Variants in WWOX observed in about 807,000 individuals in gnomAD.
WWOX encodes the protein WW domain-containing oxidoreductase.
A neutral mutation model predicts 46.2 loss-of-function variants in WWOX; 69 were observed. The ratio of observed to expected loss-of-function variants is 1.49; its 90% CI spans 1.23 to 1.82. WWOX has a LOEUF of 1.82. WWOX is among the 40% of genes most tolerant of loss of function. The pLI, the probability that WWOX is intolerant of heterozygous loss-of-function variation, is 0.00. For missense variants in WWOX, 919 were observed against 542.6 expected, an observed-to-expected ratio of 1.69 and a Z score of -6.89; for synonymous variants, 359 against 202.6, an observed-to-expected ratio of 1.77 and a Z score of -6.56.
chr16:78,275,600 T>C (rs575605882), intron 5 of WWOX, among the ~76,000 whole-genome samples: 1 of 152,186 alleles, frequency 6.6e-6, no homozygotes, highest in East Asian at 1.9e-4. Flanking sequence ...AAGTAGTGAG[T>C]TGAAAACAGA....
At chr16:78,413,792 G>C (rs543407857) in intron 6 of WWOX, among the ~76,000 whole-genome samples, 30 of 152,094 alleles carry the variant, frequency 2.0e-4, no homozygotes, top group African/African-American at 6.7e-4. Flanking sequence ...CAAAGGACTG[G>C]TTGGCAGGTC....
intron 8 of WWOX, among the ~76,000 whole-genome samples, chr16:78,671,018 C>A (rs1453808975): frequency 1.3e-5 from 2 of 151,982 alleles, no homozygotes; most frequent in African/African-American, 4.8e-5. Context: ...TGTGGCTACA[C>A]CAGAAGCTGG....
At chr16:78,399,804 A>C (rs1279876780) in intron 6 of WWOX, among the ~76,000 whole-genome samples, 2 of 152,216 alleles carry the variant, frequency 1.3e-5, no homozygotes, top group East Asian at 3.9e-4. Flanking sequence ...CATAATTGAC[A>C]TGTTGAGAAG....
intron 8 of WWOX, among the ~76,000 whole-genome samples, chr16:78,843,060 T>A (rs1597707290): frequency 1.3e-5 from 2 of 150,052 alleles, no homozygotes; most frequent in Non-Finnish European, 3.0e-5. Flanking sequence ...CACTAATGTT[T>A]GGGTCTTTGC....
At chr16:78,177,044 C>T (rs1308565250) in intron 5 of WWOX, among the ~76,000 whole-genome samples, 1 of 152,160 alleles carries the variant, frequency 6.6e-6, no homozygotes, top group East Asian at 1.9e-4. Flanking sequence ...GTAAGAATCT[C>T]TGGAGGTAGG....
intron 8 of WWOX, among the ~76,000 whole-genome samples, chr16:78,872,522 A>C (rs1490229108): frequency 1.3e-5 from 2 of 152,236 alleles, no homozygotes; most frequent in Non-Finnish European, 2.9e-5. Flanking sequence ...TGTGGCCTTG[A>C]ACAAGTGCAT....
At chr16:78,913,391 C>T (rs906297516) in intron 8 of WWOX, among the ~76,000 whole-genome samples, 1 of 151,892 alleles carries the variant, frequency 6.6e-6, no homozygotes, top group African/African-American at 2.4e-5. Context: ...GAAGACGAGA[C>T]GTTGGCCCCT....
At chr16:78,629,014 G>A (rs539909636) in intron 8 of WWOX, among the ~76,000 whole-genome samples, 4 of 152,230 alleles carry the variant, frequency 2.6e-5, no homozygotes, top group South Asian at 2.1e-4. Flanking sequence ...CCTTGAACCC[G>A]TTCCAAAAAC....
At chr16:78,862,489 C>T (rs889313413) in intron 8 of WWOX, among the ~76,000 whole-genome samples, 1 of 151,830 alleles carries the variant, frequency 6.6e-6, no homozygotes, top group African/African-American at 2.4e-5. Context: ...TGCATACACA[C>T]ACACATTTTT....
intron 8 of WWOX, among the ~76,000 whole-genome samples, chr16:78,941,558 G>A (rs2045852491): frequency 6.6e-6 from 1 of 151,388 alleles, no homozygotes; most frequent in Non-Finnish European, 1.5e-5. Context: ...ATAGAGTTAT[G>A]AAATGGACCA....
chr16:78,876,573 A>G (rs2044238628), intron 8 of WWOX, among the ~76,000 whole-genome samples: 1 of 151,674 alleles, frequency 6.6e-6, no homozygotes, highest in Non-Finnish European at 1.5e-5. Context: ...CAGTGTCTTT[A>G]ATTTGTTAAT....
At chr16:78,193,325 T>C (rs2035939883) in intron 5 of WWOX, among the ~76,000 whole-genome samples, 2 of 152,202 alleles carry the variant, frequency 1.3e-5, no homozygotes, top group Admixed American at 6.5e-5. Context: ...TTCAGTAAAA[T>C]AGCACTTCAC....
At chr16:78,959,070 T>C (rs1055399194) in intron 8 of WWOX, among the ~76,000 whole-genome samples, 2 of 152,214 alleles carry the variant, frequency 1.3e-5, no homozygotes, top group African/African-American at 2.4e-5. Flanking sequence ...AATGCTTGTC[T>C]ACCCACTTTT....
intron 8 of WWOX, among the ~76,000 whole-genome samples, chr16:78,604,419 C>T (rs901324984): frequency 1.2e-4 from 18 of 152,046 alleles, no homozygotes; most frequent in African/African-American, 2.7e-4. Flanking sequence ...GTACCAAGCA[C>T]GGTGCTGAGT....
chr16:78,955,360 T>A (rs998626411), intron 8 of WWOX, among the ~76,000 whole-genome samples: 1 of 151,984 alleles, frequency 6.6e-6, no homozygotes, highest in Non-Finnish European at 1.5e-5. Flanking sequence ...AGGAGATGAG[T>A]CAGGTGTGCC....
intron 8 of WWOX, among the ~76,000 whole-genome samples, chr16:78,809,807 C>T (rs1192861770): frequency 6.6e-6 from 1 of 152,126 alleles, no homozygotes; most frequent in East Asian, 1.9e-4. Context: ...AGTGTGTGAG[C>T]TCCTAAAAGC....
intron 8 of WWOX, among the ~76,000 whole-genome samples, chr16:78,731,298 C>T (rs905425402): frequency 4.6e-5 from 7 of 152,130 alleles, no homozygotes; most frequent in South Asian, 4.1e-4. Context: ...GAGGCACGCT[C>T]ACATGAAGCT....
chr16:78,265,189 C>G, intron 5 of WWOX, among the ~76,000 whole-genome samples: 1 of 151,658 alleles, frequency 6.6e-6, no homozygotes, highest in South Asian at 2.1e-4. Context: ...TTGGTAGAAA[C>G]GGGGTTTCAT....
intron 8 of WWOX, among the ~76,000 whole-genome samples, chr16:79,036,170 G>A (rs1482889467): frequency 6.6e-6 from 1 of 151,982 alleles, no homozygotes; most frequent in African/African-American, 2.4e-5. Context: ...ATTTCCTTGG[G>A]TCAGGTTTCA....
Sources: allele counts gnomAD v4.1 joint callset (sites outside exome capture counted in the v4.1 genomes callset), GRCh38; gene constraint gnomAD v4.1.1; transcripts MANE v1.5; gene names NCBI Gene and HGNC (gene_info 2026-07-23, HGNC 2026-07-21).